RBFOX1: variants seen among roughly 807,000 people sequenced by gnomAD.
RBFOX1 encodes RNA binding protein fox-1 homolog 1.
A neutral mutation model predicts 57.7 loss-of-function variants in RBFOX1; 8 were observed. The observed-to-expected ratio is 0.14, with a 90% CI of 0.08 to 0.25. The LOEUF is 0.25. RBFOX1 is among the 10% of genes least tolerant of loss of function. The pLI is 1.00. For synonymous variants in RBFOX1, 326 were observed against 222.4 expected (o/e 1.47, Z -4.15); for missense variants, 611 against 548.5 (o/e 1.11, Z -1.14).
chr16:5,859,402 A>G (rs1487039286), intron 3 of RBFOX1, among the ~76,000 whole-genome samples: 1 of 152,182 alleles, frequency 6.6e-6, no homozygotes, highest in Non-Finnish European at 1.5e-5. Flanking sequence ...TATACATAAA[A>G]CAGCAAGAAA....
At chr16:6,330,333 G>C (rs1265201340) in intron 2 of RBFOX1, among the ~76,000 whole-genome samples, 1 of 152,176 alleles carries the variant, frequency 6.6e-6, no homozygotes, top group Admixed American at 6.5e-5. Flanking sequence ...TGAAGAACTT[G>C]AAGGTTTCAC....
intron 4 of RBFOX1, among the ~76,000 whole-genome samples, chr16:5,971,643 A>G (rs2059963657): frequency 6.6e-6 from 1 of 152,180 alleles, no homozygotes; most frequent in Non-Finnish European, 1.5e-5. Flanking sequence ...CTTAGCAGTA[A>G]AATGAGGATA....
rs181669645 is a variant in RBFOX1, at chr16:7,175,805, G to A, written c.27+123707G>A. On this transcript the variant is annotated intron_variant, in intron 4 of 15. Transcript: ENST00000550418. ...CAGAGTAAAGCAAGTCTCTGCACAT[G>A]TTTCTCAGCTGGGTTGCAGTAATCT... 3.6e-3 allele frequency among the ~76,000 whole-genome samples: 543 copies of A among 152,252 alleles called. 4 individuals are homozygous for A. The highest frequency in any genetic ancestry group is 0.034 in the Middle Eastern group (10 of 294).
At chr16:7,693,297 T>C (rs749304884) in intron 14 of RBFOX1, 2 of 1,612,520 alleles carry the variant, frequency 1.2e-6, no homozygotes, top group Non-Finnish European at 1.7e-6. Flanking sequence ...GTATTGTGAA[T>C]TTTATCTTCT....
chr16:6,657,653 C>T (rs572808116), intron 3 of RBFOX1, among the ~76,000 whole-genome samples: 1 of 152,094 alleles, frequency 6.6e-6, no homozygotes, highest in Non-Finnish European at 1.5e-5. Context: ...AACCCAAATG[C>T]TTCTGGCAAA....
intron 3 of RBFOX1, among the ~76,000 whole-genome samples, chr16:6,899,196 C>G (rs560149076): frequency 5.9e-4 from 87 of 148,210 alleles, no homozygotes; most frequent in Non-Finnish European, 8.9e-4. Context: ...TGTGTGAGTG[C>G]ATATGTGTGT....
rs571819436 is a variant in RBFOX1 at position 7,501,533 on chromosome 16, C to T, written c.28-16614C>T. On this transcript the variant is annotated intron_variant, in intron 4 of 15. Coordinates refer to ENST00000550418, the MANE Select transcript of RBFOX1 (RefSeq NM_018723.4). ...TTTGAGAGCTTTACAATCCAGTAGC[C>T]TCCAGGTCTTCAGCCCAGCTCTATA... Among the ~76,000 whole-genome samples the T allele has an allele frequency of 3.3e-5, 5 of 152,282 alleles. No homozygotes were observed. In the South Asian group the frequency reaches 1.0e-3, roughly 32 times the overall value.
chr16:5,421,562 G>A (rs2067327295), intron 1 of RBFOX1, among the ~76,000 whole-genome samples: 1 of 152,098 alleles, frequency 6.6e-6, no homozygotes, highest in Non-Finnish European at 1.5e-5. Flanking sequence ...CCTGCAGGGG[G>A]ACTCGAGTGA....
intron 3 of RBFOX1, among the ~76,000 whole-genome samples, chr16:5,727,323 C>G (rs1194195998): frequency 6.6e-6 from 1 of 152,148 alleles, no homozygotes; most frequent in Non-Finnish European, 1.5e-5. Context: ...TGAAGACTGA[C>G]TTTACTTTTT....
At chr16:5,432,107 G>A (rs545282423) in intron 1 of RBFOX1, among the ~76,000 whole-genome samples, 4 of 152,290 alleles carry the variant, frequency 2.6e-5, no homozygotes, top group African/African-American at 9.6e-5. Flanking sequence ...TTCAGGCCAA[G>A]GGAGCCCCTT....
chr16:7,188,681 C>G (rs1454936021), intron 4 of RBFOX1, among the ~76,000 whole-genome samples: 1 of 152,134 alleles, frequency 6.6e-6, no homozygotes, highest in East Asian at 1.9e-4. Context: ...TGTCCTGCAG[C>G]AGGTTTCATT....
chr16:7,361,708 A>T (rs1349369854), intron 4 of RBFOX1, among the ~76,000 whole-genome samples: 2 of 152,242 alleles, frequency 1.3e-5, no homozygotes, highest in African/African-American at 4.8e-5. Context: ...GAGAATTCGA[A>T]GATGCTTGAG....
chr16:5,263,740 C>G (rs967665833), intron 1 of RBFOX1, among the ~76,000 whole-genome samples: 1 of 152,038 alleles, frequency 6.6e-6, no homozygotes, highest in African/African-American at 2.4e-5. Context: ...TGGGAGAACT[C>G]AACTCTGAGT....
chr16:6,999,087 T>C (rs1251690292), intron 3 of RBFOX1, among the ~76,000 whole-genome samples: 1 of 150,850 alleles, frequency 6.6e-6, no homozygotes, highest in Non-Finnish European at 1.5e-5. Context: ...CAAGTTGGTC[T>C]TGAACTCCTG....
intron 3 of RBFOX1, among the ~76,000 whole-genome samples, chr16:6,837,999 T>C (rs549081002): frequency 1.3e-4 from 17 of 128,134 alleles, no homozygotes; most frequent in African/African-American, 5.1e-4. Flanking sequence ...TACTGGGAAG[T>C]TACCACCCCT....
chr16:5,823,750 C>T (rs576796063), intron 3 of RBFOX1, among the ~76,000 whole-genome samples: 4 of 152,026 alleles, frequency 2.6e-5, no homozygotes, highest in East Asian at 1.9e-4. Flanking sequence ...ATTTAATGCC[C>T]GATGATCTGT....
chr16:5,947,543 A>G lies in RBFOX1; in HGVS notation c.351+80208A>G, dbSNP rs1567178379. On this transcript the variant is annotated intron_variant, in intron 4 of 19. Transcript: ENST00000641259. The surrounding 1 kb of genome is among the most constrained non-coding windows in gnomAD (Gnocchi z 7.2). ...TCTGTATGTTGCCTAGGCTGGTGTC[A>G]GACTCCTAGCCCCAAGCAATTCTCA... 6.6e-6 allele frequency among the ~76,000 whole-genome samples: 1 copy of G among 152,142 alleles called. No individual in the cohort carries two copies. Among genetic ancestry groups the G allele is most frequent in the African/African-American group, 2.4e-5 (1 of 41,426 alleles).
At chr16:6,486,441 T>G (rs922575350) in intron 2 of RBFOX1, among the ~76,000 whole-genome samples, 1 of 152,140 alleles carries the variant, frequency 6.6e-6, no homozygotes, top group African/African-American at 2.4e-5. Context: ...AAATGATTAT[T>G]ATTAATTAAA....
At chr16:7,003,710 C>G (rs1230062684) in intron 3 of RBFOX1, among the ~76,000 whole-genome samples, 1 of 152,012 alleles carries the variant, frequency 6.6e-6, no homozygotes, top group African/African-American at 2.4e-5. Context: ...TTATTAAACA[C>G]AAACAATGTA....
Sources: gnomAD v4.1 joint callset for allele counts (sites outside exome capture counted in the v4.1 genomes callset) on GRCh38, gnomAD v4.1.1 for gene constraint, Gnocchi (gnomAD v3.1) non-coding constraint, MANE v1.5 for transcripts, NCBI Gene and HGNC (gene_info 2026-07-23, HGNC 2026-07-21) for gene names.